ZFR: variants seen among roughly 807,000 people sequenced by gnomAD.
ZFR encodes the protein zinc finger RNA-binding protein.
ZFR carries 19 observed loss-of-function variants against 130.7 expected under a neutral mutation model. The ratio of observed to expected loss-of-function variants is 0.15; its 90% confidence interval spans 0.10 to 0.21. ZFR has a LOEUF of 0.21. Among genes scored for constraint, ZFR ranks in the 10% least tolerant of loss-of-function variants. ZFR has a pLI of 1.00. For synonymous variants in ZFR, 466 were observed against 456.9 expected, an observed-to-expected ratio of 1.02 and a Z score of -0.25; for missense variants, 872 against 1,321.5, an observed-to-expected ratio of 0.66 and a Z score of 5.27.
chr5:32,404,699 A>C (rs1753539955), intron 6 of ZFR, among the ~76,000 whole-genome samples: 1 of 152,260 alleles, frequency 6.6e-6, no homozygotes, highest in African/African-American at 2.4e-5. Context: ...GCCAATAAAT[A>C]GTGAAATTAC....
Position 32,377,736 on chromosome 5 carries a change from A to G in ZFR, c.2835+1379T>C, listed in dbSNP as rs373540777. On this transcript the variant is annotated intron_variant, in intron 17 of 19. Transcript: ENST00000265069. ...GAAGTCTCACTCTGTCACCCAGACT[A>G]GAGATAGTGGCACAATCTCGGCTCA... Among the ~76,000 whole-genome samples, 20 of 152,086 alleles carry G rather than the reference A, an allele frequency of 1.3e-4. No individual in the cohort carries two copies. The South Asian group carries it at 4.2e-3, about 32-fold the overall frequency.
At chr5:32,409,430 C>A (rs897141851) in intron 5 of ZFR, among the ~76,000 whole-genome samples, 4 of 151,786 alleles carry the variant, frequency 2.6e-5, no homozygotes, top group South Asian at 2.1e-4. Flanking sequence ...GCCCCACCCC[C>A]CCATTTTTTT....
chr5:32,381,934 A>G (rs1752944329), intron 15 of ZFR, among the ~76,000 whole-genome samples: 1 of 152,224 alleles, frequency 6.6e-6, no homozygotes, highest in Non-Finnish European at 1.5e-5. Context: ...TAACCTGAAC[A>G]TAAGAAATGA....
At position 32,415,498 on chromosome 5, in the gene ZFR, G is replaced by GTGTGTC. The variant is rs1269226772; in HGVS notation, c.566-312_566-311insGACACA. ...TTTCTGAAAAGGAGTGTGTGTGTGT[G>GTGTGTC]TGTGTGTGTGTGTGTGTGCGCGCGC... is the stretch of plus-strand genomic sequence containing the variant. On this transcript the variant is annotated intron_variant, in intron 4 of 19. Coordinates refer to ENST00000265069, the MANE Select transcript of ZFR (RefSeq NM_016107.5). Among the ~76,000 whole-genome samples, 147 of 102,792 alleles carry GTGTGTC rather than the reference G, an allele frequency of 1.4e-3. 1 individual carries two copies. Among genetic ancestry groups the GTGTGTC allele is most frequent in the Middle Eastern group, 0.012 (3 of 254 alleles). 67.4% of individuals were successfully genotyped at this position (102,792 alleles called of 152,430 possible). A position where few individuals can be genotyped will look rare whatever the true frequency, so the allele number is the denominator to read the frequency against.
intron 2 of ZFR, among the ~76,000 whole-genome samples, chr5:32,434,217 C>G (rs952531174): frequency 2.0e-5 from 3 of 152,180 alleles, no homozygotes; most frequent in Admixed American, 2.0e-4. Context: ...CCTTTTTAAT[C>G]CTTAGAAATG....
chr5:32,407,219 T>C (rs967777214), intron 5 of ZFR, among the ~76,000 whole-genome samples, 198 bp from the exon 6 acceptor site: 2 of 151,942 alleles, frequency 1.3e-5, no homozygotes, highest in Non-Finnish European at 2.9e-5. Context: ...ACTCAATATA[T>C]GCCAGGTGTT....
intron 9 of ZFR, among the ~76,000 whole-genome samples, chr5:32,399,735 T>C (rs1328852819): frequency 6.6e-6 from 1 of 152,192 alleles, no homozygotes; most frequent in Non-Finnish European, 1.5e-5. Flanking sequence ...ATTACAAGAA[T>C]GCTTGCTAGT....
chr5:32,412,890 T>C (rs1036893037), intron 5 of ZFR, among the ~76,000 whole-genome samples: 4 of 152,076 alleles, frequency 2.6e-5, no homozygotes, highest in African/African-American at 7.2e-5. Context: ...TTCTGGAGAA[T>C]TAAAATTTTC....
Position 32,413,634 on chromosome 5 carries a change from C to T in ZFR, c.784+1335G>A, listed in dbSNP as rs16889713. ...GAGAAACAATGAACAGGAAAAGCTA[C>T]TCTGGTACTTCCTATTTTGTTGAAG... On this transcript the variant is annotated intron_variant, in intron 5 of 19. Transcript: ENST00000265069. 7.7e-3 allele frequency among the ~76,000 whole-genome samples: 1,177 copies of T among 152,184 alleles called. 15 individuals are homozygous for T. The highest frequency in any genetic ancestry group is 0.027 in the African/African-American group (1,112 of 41,532).
intron 2 of ZFR, among the ~76,000 whole-genome samples, chr5:32,429,286 T>C (rs1017354180): frequency 6.6e-6 from 1 of 152,176 alleles, no homozygotes; most frequent in Non-Finnish European, 1.5e-5. Context: ...GCGTCTGGCC[T>C]CTTCTTCCAT....
intron 2 of ZFR, among the ~76,000 whole-genome samples, chr5:32,431,837 G>GTTTTGT (rs1246329957): frequency 6.6e-6 from 1 of 150,828 alleles, no homozygotes. Flanking sequence ...TATTCTTTTT[G>GTTTTGT]TTTTGTTTTT....
Position 32,355,067 on chromosome 5 carries a change from A to G in ZFR, c.*693T>C, listed in dbSNP as rs1380969105. 6.6e-6 allele frequency: 1 copy of G among 152,262 alleles called. No homozygotes were observed. The highest frequency in any genetic ancestry group is 2.4e-5 in the African/African-American group (1 of 41,472). The allele number at this position is 152,262 out of a possible 1,614,324, so 9.4% of individuals were successfully genotyped here. A position where few individuals can be genotyped will look rare whatever the true frequency, so the allele number is the denominator to read the frequency against. On this transcript the variant is annotated 3_prime_UTR_variant, in exon 20 of 20. Transcript: ENST00000265069. The stretch of plus-strand genomic sequence containing the variant: ...AAACTGTTGCAAGACCATATAGTAT[A>G]TATTAGCTTTTATACTGCTAATGCA...
chr5:32,355,690 T>C lies in ZFR; in HGVS notation c.*70A>G. ...CTTGATAAATTTTTCAATGTAGACATTATTATGAATGAAAAACAGCCAACA... is the reference window on the plus strand; with the variant it reads ...CTTGATAAATTTTTCAATGTAGACACTATTATGAATGAAAAACAGCCAACA... On this transcript the variant is annotated 3_prime_UTR_variant, in exon 20 of 20. Transcript: ENST00000265069. 7.3e-7 allele frequency: 1 copy of C among 1,372,244 alleles called. No homozygotes were observed. Among genetic ancestry groups the C allele is most frequent in the Non-Finnish European group, 9.8e-7 (1 of 1,017,422 alleles). The allele number at this position is 1,372,244 out of a possible 1,614,324, so 85.0% of individuals were successfully genotyped here.
chr5:32,397,565 C>T (rs146645356), intron 9 of ZFR, among the ~76,000 whole-genome samples: 2,117 of 151,330 alleles, frequency 0.014, 50 homozygotes, highest in African/African-American at 0.048. Context: ...GCGATTCTCC[C>T]GCCTCAGCCA....
chr5:32,394,502 T>C (rs906918896), intron 11 of ZFR: 1 of 165,432 alleles, frequency 6.0e-6, no homozygotes, highest in Non-Finnish European at 1.5e-5. Flanking sequence ...ATCTCTAGAA[T>C]AGGCAAATCT....
chr5:32,403,052 A>G, intron 8 of ZFR, 54 bp downstream of exon 8: 1 of 1,554,306 alleles, frequency 6.4e-7, no homozygotes, highest in Non-Finnish European at 8.8e-7. Context: ...GCTGCAATGG[A>G]GAAGAAACAA....
At chr5:32,409,906 G>A (rs1753661169) in intron 5 of ZFR, among the ~76,000 whole-genome samples, 1 of 152,008 alleles carries the variant, frequency 6.6e-6, no homozygotes, top group Admixed American at 6.6e-5. Context: ...GGAGGCTGAG[G>A]CTGCAGTAAA....
At chr5:32,444,162 C>T (rs1298518062) in intron 2 of ZFR, 67 bp downstream of exon 2, 33 of 1,527,104 alleles carry the variant, frequency 2.2e-5, no homozygotes, top group Non-Finnish European at 2.8e-5. Flanking sequence ...GCGGGGGCGT[C>T]GCATCGACAG....
chr5:32,393,221 T>C (rs1049590194), intron 11 of ZFR, among the ~76,000 whole-genome samples: 7 of 152,242 alleles, frequency 4.6e-5, no homozygotes, highest in African/African-American at 1.2e-4. Context: ...ATTTTTTTAC[T>C]GTATTTTATT....
Sources: allele counts gnomAD v4.1 joint callset (sites outside exome capture counted in the v4.1 genomes callset), GRCh38; gene constraint gnomAD v4.1.1; transcripts MANE v1.5; gene names NCBI Gene and HGNC (gene_info 2026-07-23, HGNC 2026-07-21).